Variants in ZBTB49 observed in about 807,000 individuals in gnomAD.
ZBTB49 encodes zinc finger and BTB domain-containing protein 49.
A neutral mutation model predicts 57.5 loss-of-function variants in ZBTB49; 43 were observed. That is an observed-to-expected ratio of 0.75 (90% CI 0.59 to 0.97). ZBTB49 has a LOEUF of 0.97. ZBTB49 is among the 50% of genes least tolerant of loss of function. The pLI is 0.00. For synonymous variants in ZBTB49, 369 were observed against 362.1 expected (o/e 1.02, Z -0.22); for missense variants, 938 against 947.7 (o/e 0.99, Z 0.13).
At chr4:4,298,910 G>A (rs897113169) in intron 1 of ZBTB49, among the ~76,000 whole-genome samples, 4 of 152,174 alleles carry the variant, frequency 2.6e-5, no homozygotes, top group Non-Finnish European at 5.9e-5. Context: ...AGGCACTTTC[G>A]TGTGTGTGTT....
chr4:4,294,374 T>C (rs1720087956), intron 1 of ZBTB49, among the ~76,000 whole-genome samples: 1 of 152,184 alleles, frequency 6.6e-6, no homozygotes, highest in Admixed American at 6.5e-5. Context: ...ATTATTATTT[T>C]GAGATGGAGT....
chr4:4,299,146 G>A (rs1720360405), intron 1 of ZBTB49, among the ~76,000 whole-genome samples: 1 of 152,126 alleles, frequency 6.6e-6, no homozygotes, highest in African/African-American at 2.4e-5. Context: ...CCTCTAGGAT[G>A]TCATCTCCTG....
At chr4:4,310,260 A>G (rs1720926252) in intron 4 of ZBTB49, among the ~76,000 whole-genome samples, 2 of 152,210 alleles carry the variant, frequency 1.3e-5, no homozygotes, top group African/African-American at 4.8e-5. Context: ...AATATCGTTA[A>G]CATAGGTTTA....
rs1228231733 is a variant in ZBTB49 at position 4,302,977 on chromosome 4, G to A, written c.1141G>A (p.Ala381Thr). The stretch of plus-strand genomic sequence containing the variant: ...GACGGAGAGGCCTGAAGACCCGGCT[G>A]CCCTGGAAGACCAGTCCCAGACACT... ...SETERPEDPA[A>T]LEDQSQTLQS... The change falls in exon 3 of 8, where the codon GCC becomes ACC. Residue 381 changes from alanine (A) to threonine (T), a missense_variant. Around this residue, in one of 3 missense-constraint regions of ZBTB49, gnomAD observed 835 missense variants for 819.1 expected, o/e 1.02. Coordinates refer to ENST00000337872, the MANE Select transcript of ZBTB49 (RefSeq NM_145291.4). 4 of 1,614,206 alleles carry A rather than the reference G, an allele frequency of 2.5e-6. No homozygotes were observed. Among genetic ancestry groups the A allele is most frequent in the Non-Finnish European group, 3.4e-6 (4 of 1,180,034 alleles).
intron 1 of ZBTB49, among the ~76,000 whole-genome samples, 190 bp from the exon 2 acceptor site, chr4:4,299,737 T>G (rs1326744339): frequency 6.6e-6 from 1 of 151,854 alleles, no homozygotes; most frequent in Non-Finnish European, 1.5e-5. Context: ...GACAGGTAAT[T>G]CTGTTGAACA....
Position 4,302,283 on chromosome 4 carries a change from T to C in ZBTB49, c.447T>C (p.Ser149=), listed in dbSNP as rs1323823256. The change falls in exon 3 of 8, where the codon AGT becomes AGC. Residue 149 remains serine, a synonymous_variant. Transcript: ENST00000337872. ...CCCCAGATGCCACTTGTGTTATCAGTGAAAACTACCCCCCTCATTTACTGC... is the reference window on the plus strand; with the variant it reads ...CCCCAGATGCCACTTGTGTTATCAGCGAAAACTACCCCCCTCATTTACTGC... The part of the protein sequence containing the change: ...TLTPDATCVI[S]ENYPPHLLQE... 1 of 1,614,046 alleles carries C rather than the reference T, an allele frequency of 6.2e-7. No homozygotes were observed. The highest frequency in any genetic ancestry group is 1.3e-5 in the African/African-American group (1 of 74,950).
chr4:4,291,102 T>G (rs1427467828), intron 1 of ZBTB49, among the ~76,000 whole-genome samples: 5 of 152,200 alleles, frequency 3.3e-5, no homozygotes, highest in Non-Finnish European at 5.9e-5. Context: ...GGTGATAAGG[T>G]TTCACTCTGA....
chr4:4,315,305 A>T (rs1721139811), intron 5 of ZBTB49, among the ~76,000 whole-genome samples: 2 of 151,852 alleles, frequency 1.3e-5, no homozygotes, highest in African/African-American at 4.8e-5. Context: ...AACTGGGGAG[A>T]CTCCTTTTTC....
chr4:4,314,533 G>A (rs867586343), intron 5 of ZBTB49, among the ~76,000 whole-genome samples: 151 of 152,230 alleles, frequency 9.9e-4, no homozygotes, highest in African/African-American at 3.4e-3. Flanking sequence ...CACCATACCC[G>A]GTTAATTTTT....
chr4:4,302,949 T>G lies in ZBTB49; in HGVS notation c.1113T>G (p.Ser371Arg). 6.2e-7 allele frequency: 1 copy of G among 1,614,208 alleles called. No individual in the cohort carries two copies. Among genetic ancestry groups the G allele is most frequent in the Non-Finnish European group, 8.5e-7 (1 of 1,180,050 alleles). ...GTTGTGAGAATTTTAATTGCATTAG[T>G]GAGACGGAGAGGCCTGAAGACCCGG... ...VVSCENFNCISETERPEDPAA... is the reference protein window; with the variant it reads ...VVSCENFNCIRETERPEDPAA... The change falls in exon 3 of 8, where the codon AGT becomes AGG. Residue 371 changes from serine (S) to arginine (R), a missense_variant. By Grantham distance (110) the Ser-to-Arg change is moderately radical (BLOSUM62 -1). Around this residue, in one of 3 missense-constraint regions of ZBTB49, gnomAD observed 835 missense variants for 819.1 expected, o/e 1.02. Transcript: ENST00000337872.
At chr4:4,295,583 G>A (rs988517343) in intron 1 of ZBTB49, among the ~76,000 whole-genome samples, 1 of 152,174 alleles carries the variant, frequency 6.6e-6, no homozygotes, top group Non-Finnish European at 1.5e-5. Context: ...GCTTGGCAGG[G>A]GTGGGTAACT....
Position 4,319,736 on chromosome 4 carries a change from G to A in ZBTB49, c.1622-904G>A, listed in dbSNP as rs577711337. 5.3e-5 allele frequency among the ~76,000 whole-genome samples: 8 copies of A among 152,104 alleles called. No homozygotes were observed. In the East Asian group the frequency reaches 7.7e-4, roughly 15 times the overall value. On this transcript the variant is annotated intron_variant, in intron 7 of 7. Coordinates refer to ENST00000337872, the MANE Select transcript of ZBTB49 (RefSeq NM_145291.4). ...CTCGGGAGGCTGTGACATGAGAATCGCTTGAACCCAGGAGGTGGAGGTTGC... is the reference window on the plus strand; with the variant it reads ...CTCGGGAGGCTGTGACATGAGAATCACTTGAACCCAGGAGGTGGAGGTTGC...
chr4:4,314,355 G>A lies in ZBTB49; in HGVS notation c.1376+1241G>A, dbSNP rs1721101686. Among the ~76,000 whole-genome samples the A allele has an allele frequency of 2.0e-5, 3 of 152,160 alleles. No homozygotes were observed. In the South Asian group the frequency reaches 6.2e-4, roughly 32 times the overall value. On this transcript the variant is annotated intron_variant, in intron 5 of 7. Transcript: ENST00000337872. ...CTTTCTGAATTCCATTTCAAAGTGA[G>A]GCATGTGTTTATTTTTTATTTATTT...
Position 4,302,426 on chromosome 4 carries a change from C to T in ZBTB49, c.590C>T (p.Thr197Ile), listed in dbSNP as rs185992603. ...GAAATCTCAAAACAAGCTCCTGATACTTCAGATGGCAGCTGCACAGAACTG... is the reference window on the plus strand; with the variant it reads ...GAAATCTCAAAACAAGCTCCTGATATTTCAGATGGCAGCTGCACAGAACTG... The part of the protein sequence containing the change: ...AGEISKQAPD[T>I]SDGSCTELPF... The change falls in exon 3 of 8, where the codon ACT becomes ATT. Residue 197 changes from threonine (T) to isoleucine (I), a missense_variant. This residue lies in a region of ZBTB49 where 835 missense variants were observed against 819.1 expected (regional missense o/e 1.02). Coordinates refer to ENST00000337872, the MANE Select transcript of ZBTB49 (RefSeq NM_145291.4). The T allele has an allele frequency of 2.5e-6, 4 of 1,614,206 alleles. No homozygotes were observed. The South Asian group carries it at 4.4e-5, about 18-fold the overall frequency.
Position 4,315,969 on chromosome 4 carries a change from C to T in ZBTB49, c.1620C>T (p.Cys540=), listed in dbSNP as rs778923148. The T allele has an allele frequency of 3.7e-6, 6 of 1,613,496 alleles. No individual in the cohort carries two copies. The highest frequency in any genetic ancestry group is 1.3e-5 in the African/African-American group (1 of 74,914). The change falls in exon 7 of 8, where the codon TGC becomes TGT. Residue 540 remains cysteine (C), a splice_region_variant and synonymous_variant. Transcript: ENST00000337872. ...AGCGGCCTTACAGCTGCTCTGCCTG[C>T]GGTGAGTTTGGGTTTCTGGCTGTCC... ...TGERPYSCSA[C]GKCFGGSGDL... is the part of the protein sequence containing the mutation.
chr4:4,319,954 C>G (rs2108904756), intron 7 of ZBTB49, among the ~76,000 whole-genome samples: 1 of 152,192 alleles, frequency 6.6e-6, no homozygotes, highest in South Asian at 2.1e-4. Flanking sequence ...ATCCCAGCCA[C>G]TCAGGAGGCT....
intron 1 of ZBTB49, among the ~76,000 whole-genome samples, chr4:4,294,134 A>C (rs1036020325): frequency 5.9e-5 from 9 of 152,206 alleles, no homozygotes; most frequent in Admixed American, 4.6e-4. Context: ...TGTCATAATC[A>C]TTACTATTAT....
At chr4:4,320,495 C>G (rs1721361175) in intron 7 of ZBTB49, 145 bp from the exon 8 acceptor site, 3 of 888,334 alleles carry the variant, frequency 3.4e-6, no homozygotes, top group African/African-American at 3.4e-5. Flanking sequence ...TGTATATTAG[C>G]CAGGCGTGGT....
At chr4:4,300,226 G>C (rs1720416229) in intron 2 of ZBTB49, 129 bp downstream of exon 2, 2 of 1,073,738 alleles carry the variant, frequency 1.9e-6, no homozygotes, top group South Asian at 2.5e-5. Flanking sequence ...GGATTTTGTA[G>C]GAGTTGTTTT....
Sources: gnomAD v4.1 joint callset for allele counts (sites outside exome capture counted in the v4.1 genomes callset) on GRCh38, gnomAD v4.1.1 for gene constraint, gnomAD v4.1.1 regional missense constraint, MANE v1.5 for transcripts, NCBI Gene and HGNC (gene_info 2026-07-23, HGNC 2026-07-21) for gene names.